The following INTS14 variants were observed in gnomAD, a reference collection of about 807,000 sequenced individuals.
INTS14 encodes UPF0464 protein C15orf44.
Under a neutral mutation model 56.9 loss-of-function variants are expected in INTS14, and 27 were observed. That is an observed-to-expected ratio of 0.47 (90% confidence interval 0.35 to 0.65). The LOEUF (loss-of-function observed/expected upper bound fraction) is 0.65, where lower values mean the gene tolerates loss of function less well. Among genes scored for constraint, INTS14 ranks in the 30% least tolerant of loss-of-function variants. The pLI, the probability that INTS14 is intolerant of heterozygous loss-of-function variation, is 0.00. For missense variants in INTS14, 517 were observed against 632.2 expected, an observed-to-expected ratio of 0.82 and a Z score of 1.95; for synonymous variants, 207 against 236.2, an observed-to-expected ratio of 0.88 and a Z score of 1.13.
At chr15:65,593,606 A>C in intron 7 of INTS14, 34 bp from the exon 8 acceptor site, 1 of 1,596,926 alleles carries the variant, frequency 6.3e-7, no homozygotes, top group South Asian at 1.1e-5. Context: ...TCAGACTGAA[A>C]TTACCTACAA....
At chr15:65,579,836 G>A (rs573350097) in intron 11 of INTS14, among the ~76,000 whole-genome samples, 177 bp from the exon 12 acceptor site, 1 of 152,280 alleles carries the variant, frequency 6.6e-6, no homozygotes, top group South Asian at 2.1e-4. Context: ...ACTGGGAAGT[G>A]GTTCCTCTGC....
At chr15:65,583,647 G>C (rs2072709685) in intron 10 of INTS14, among the ~76,000 whole-genome samples, 1 of 152,068 alleles carries the variant, frequency 6.6e-6, no homozygotes, top group Non-Finnish European at 1.5e-5. Flanking sequence ...GGACTGAATT[G>C]TGTACTTTAA....
At chr15:65,593,630 C>T (rs1230063287) in intron 7 of INTS14, 58 bp from the exon 8 acceptor site, 3 of 1,568,688 alleles carry the variant, frequency 1.9e-6, no homozygotes, top group East Asian at 2.3e-5. Context: ...CCCCAAACCC[C>T]AATTTATACT....
chr15:65,595,796 C>T lies in INTS14; in HGVS notation c.778G>A (p.Ala260Thr). 1 of 1,608,674 alleles carries T rather than the reference C, an allele frequency of 6.2e-7. No individual in the cohort carries two copies. The highest frequency in any genetic ancestry group is 8.5e-7 in the Non-Finnish European group (1 of 1,178,524). The change falls in exon 7 of 12, where the codon GCT becomes ACT. Residue 260 changes from alanine (A) to threonine (T), a missense_variant. Coordinates refer to ENST00000313182, the MANE Select transcript of INTS14 (RefSeq NM_001394796.1). ...DLEIVGFIDI[A>T]DISSPPVLSR... ...AGAACTGGGGGACTTGAAATATCAG[C>T]TATATCAATAAATCCCACTATTTCC... is the stretch of plus-strand genomic sequence containing the variant.
rs544276635 is a variant in INTS14 at position 65,602,479 on chromosome 15, T to G, written c.331-2550A>C. 5.6e-4 allele frequency among the ~76,000 whole-genome samples: 85 copies of G among 152,004 alleles called. 1 individual carries two copies. The highest frequency in any genetic ancestry group is 2.6e-4 in the Admixed American group (4 of 15,278). On this transcript the variant is annotated intron_variant, in intron 3 of 11. Coordinates refer to ENST00000313182, the MANE Select transcript of INTS14 (RefSeq NM_001394796.1). ...TTTGTATTTTTAGTAGAGACAGGGT[T>G]TCACCATGTTGGCCAGGCTTGTGTT... is the stretch of plus-strand genomic sequence containing the variant.
At chr15:65,602,476 G>A (rs991692281) in intron 3 of INTS14, among the ~76,000 whole-genome samples, 2 of 151,768 alleles carry the variant, frequency 1.3e-5, no homozygotes, top group South Asian at 4.2e-4. Context: ...GTAGAGACAG[G>A]GTTTCACCAT....
At chr15:65,586,474 G>A (rs1476005575) in intron 9 of INTS14, 1 of 152,108 alleles carries the variant, frequency 6.6e-6, no homozygotes, top group African/African-American at 2.4e-5. Context: ...CCATGAAATT[G>A]TTTCAAGTTT....
At chr15:65,598,172 C>T (rs2073282067) in intron 6 of INTS14, 149 bp downstream of exon 6, 1 of 739,310 alleles carries the variant, frequency 1.4e-6, no homozygotes, top group African/African-American at 1.8e-5. Context: ...ACCTCTGTTC[C>T]CAAGCATTTT....
chr15:65,605,019 T>G lies in INTS14; in HGVS notation c.330+110A>C. On this transcript the variant is annotated intron_variant, in intron 3 of 11. Coordinates refer to ENST00000313182, the MANE Select transcript of INTS14 (RefSeq NM_001394796.1). ...TTAAGAAGATACCAATAGTGTAAAA[T>G]GTAGTTTGTAGAAATTACAATGCAT... The G allele has an allele frequency of 6.3e-6, 5 of 794,558 alleles. No homozygotes were observed. The South Asian group carries it at 7.8e-5, about 12-fold the overall frequency. The allele number at this position is 794,558 out of a possible 1,614,324, so 49.2% of individuals were successfully genotyped here. A position where few individuals can be genotyped will look rare whatever the true frequency, so the allele number is the denominator to read the frequency against.
At chr15:65,596,872 A>G (rs2073233070) in intron 6 of INTS14, among the ~76,000 whole-genome samples, 1 of 152,142 alleles carries the variant, frequency 6.6e-6, no homozygotes, top group Non-Finnish European at 1.5e-5. Context: ...CCCTATTTCT[A>G]AAATATTAGG....
Position 65,579,286 on chromosome 15 carries a change from TTCTGAGGCAGCCTCAGGAA to T in INTS14, c.*103_*121del. 1 of 1,395,246 alleles carries T rather than the reference TTCTGAGGCAGCCTCAGGAA, an allele frequency of 7.2e-7. No individual in the cohort carries two copies. The highest frequency in any genetic ancestry group is 9.7e-7 in the Non-Finnish European group (1 of 1,031,040). 86.4% of individuals were successfully genotyped at this position (1,395,246 alleles called of 1,614,324 possible). On this transcript the variant is annotated 3_prime_UTR_variant, in exon 12 of 12. Coordinates refer to ENST00000313182, the MANE Select transcript of INTS14 (RefSeq NM_001394796.1). ...AGTCATTCAAAACAGCAAGTGGTGC[TTCTGAGGCAGCCTCAGGAA>T]GGTCTTTGGGTGGCTATTCTAGAGG... is the stretch of plus-strand genomic sequence containing the variant.
chr15:65,596,799 G>C (rs1312903586), intron 6 of INTS14, among the ~76,000 whole-genome samples: 2 of 152,106 alleles, frequency 1.3e-5, no homozygotes, highest in Non-Finnish European at 2.9e-5. Context: ...CCCGACCTCA[G>C]GTGATCCGCC....
Position 65,607,217 on chromosome 15 carries a change from A to C in INTS14, c.164T>G (p.Val55Gly). The change falls in exon 2 of 12, where the codon GTT (valine) becomes GGT (glycine). Residue 55 changes from valine (V) to glycine (G), a missense_variant. Transcript: ENST00000313182. ...NYKLEFTALV[V>G]FSSLWELMVP... ...CATCAACTCCCAAAGTGATGAAAAAACCACAAGTGCTGTAAATTCAAGCTT... is the reference window on the plus strand; with the variant it reads ...CATCAACTCCCAAAGTGATGAAAAACCCACAAGTGCTGTAAATTCAAGCTT... 1 of 1,614,148 alleles carries C rather than the reference A, an allele frequency of 6.2e-7. No homozygotes were observed. Among genetic ancestry groups the C allele is most frequent in the Non-Finnish European group, 8.5e-7 (1 of 1,180,032 alleles).
chr15:65,605,245 A>G lies in INTS14; in HGVS notation c.223-9T>C. On this transcript the variant is annotated splice_polypyrimidine_tract_variant and intron_variant, in intron 2 of 11. Transcript: ENST00000313182. ...ATATTACTTAGTGCTTCCTTATTGA[A>G]TAAAAGATAAAATTGCTAGTTACTC... 6.3e-7 allele frequency: 1 copy of G among 1,596,094 alleles called. No individual in the cohort carries two copies. The highest frequency in any genetic ancestry group is 1.7e-4 in the Middle Eastern group (1 of 6,024).
intron 10 of INTS14, among the ~76,000 whole-genome samples, chr15:65,584,364 C>A (rs1400120507): frequency 1.3e-5 from 2 of 152,138 alleles, no homozygotes; most frequent in African/African-American, 2.4e-5. Flanking sequence ...CAATGCCTCA[C>A]CATATAAAAA....
chr15:65,606,272 A>AAAAAAAAC (rs2073646044), intron 2 of INTS14, among the ~76,000 whole-genome samples: 1 of 151,458 alleles, frequency 6.6e-6, no homozygotes, highest in African/African-American at 2.4e-5. Flanking sequence ...AAAAAAAAAA[A>AAAAAAAAC]TCTGAGATAA....
chr15:65,585,955 T>C (rs1274095434), intron 9 of INTS14, among the ~76,000 whole-genome samples: 1 of 152,208 alleles, frequency 6.6e-6, no homozygotes, highest in African/African-American at 2.4e-5. Flanking sequence ...TTTGTCAATA[T>C]ATAAACCTTC....
At chr15:65,605,804 T>C (rs536193026) in intron 2 of INTS14, among the ~76,000 whole-genome samples, 1 of 152,268 alleles carries the variant, frequency 6.6e-6, no homozygotes, top group Admixed American at 6.5e-5. Context: ...ATTCTCTAAA[T>C]TTCAGAACTG....
intron 3 of INTS14, among the ~76,000 whole-genome samples, chr15:65,603,862 A>G (rs998433709): frequency 6.6e-6 from 1 of 152,172 alleles, no homozygotes; most frequent in Non-Finnish European, 1.5e-5. Context: ...GTTGCCACAG[A>G]CACCTACAAA....
Sources: gnomAD v4.1 joint callset for allele counts (sites outside exome capture counted in the v4.1 genomes callset) on GRCh38, gnomAD v4.1.1 for gene constraint, MANE v1.5 for transcripts, NCBI Gene and HGNC (gene_info 2026-07-23, HGNC 2026-07-21) for gene names.